Variants in FHIT observed in about 807,000 individuals in gnomAD.
FHIT encodes the protein fragile histidine triad diadenosine triphosphatase, also known as bis(5'-adenosyl)-triphosphatase.
In FHIT, 19 loss-of-function variants were observed where a neutral mutation model predicts 17.9. The ratio of observed to expected loss-of-function variants is 1.06; its 90% CI spans 0.74 to 1.56. The LOEUF is 1.56. Ranked by LOEUF, FHIT falls within the 40% of genes most tolerant of loss-of-function variation. The pLI is 0.00. For synonymous variants in FHIT, 81 were observed against 69.7 expected, an observed-to-expected ratio of 1.16 and a Z score of -0.81; for missense variants, 248 against 189.2, an observed-to-expected ratio of 1.31 and a Z score of -1.82.
At chr3:60,080,610 A>G (rs1328506130) in intron 5 of FHIT, among the ~76,000 whole-genome samples, 1 of 152,154 alleles carries the variant, frequency 6.6e-6, no homozygotes, top group African/African-American at 2.4e-5. Flanking sequence ...ATGAAGAATA[A>G]AACAGGTCTG....
chr3:59,908,368 G>GT (rs949159051), intron 8 of FHIT, among the ~76,000 whole-genome samples: 12 of 152,112 alleles, frequency 7.9e-5, no homozygotes, highest in South Asian at 2.1e-4. Flanking sequence ...GAACAGACAA[G>GT]TTTTTTTTGA....
chr3:59,876,551 A>C (rs569684886), intron 8 of FHIT, among the ~76,000 whole-genome samples: 51 of 152,284 alleles, frequency 3.3e-4, no homozygotes, highest in Admixed American at 1.2e-3. Flanking sequence ...CTTAGGGCAC[A>C]AAACAGTCTT....
At chr3:59,953,121 G>C (rs1707205937) in intron 7 of FHIT, among the ~76,000 whole-genome samples, 1 of 151,872 alleles carries the variant, frequency 6.6e-6, no homozygotes, top group African/African-American at 2.4e-5. Flanking sequence ...CTGGCTCTGT[G>C]TCTCTCTCAG....
chr3:60,930,297 T>C (rs1486811578), intron 3 of FHIT, among the ~76,000 whole-genome samples: 4 of 152,176 alleles, frequency 2.6e-5, no homozygotes, highest in African/African-American at 9.7e-5. Context: ...ATTTAGGACA[T>C]AGGCATGGGC....
intron 4 of FHIT, among the ~76,000 whole-genome samples, chr3:60,612,243 TTC>T (rs1553673906): frequency 6.6e-6 from 1 of 152,164 alleles, no homozygotes; most frequent in Non-Finnish European, 1.5e-5. Context: ...AAGTCACATA[TTC>T]TCTGATCTCC....
intron 4 of FHIT, among the ~76,000 whole-genome samples, chr3:60,616,539 G>A (rs1324593407): frequency 3.3e-5 from 5 of 152,208 alleles, no homozygotes; most frequent in Middle Eastern, 6.8e-3. Context: ...CTTATTGCTA[G>A]CAATGAACAA....
Position 60,119,615 on chromosome 3 carries a change from T to A in FHIT, c.104-105463A>T, listed in dbSNP as rs757920061. 3.7e-4 allele frequency among the ~76,000 whole-genome samples: 56 copies of A among 152,156 alleles called. 1 individual carries two copies. The highest frequency in any genetic ancestry group is 1.9e-3 in the South Asian group (9 of 4,824). ...TTTTGTCCCTGTATGGGTACTGTCA[T>A]CGTGTCGGGTAAGGAAATCAAGACT... On this transcript the variant is annotated intron_variant, in intron 5 of 9. Coordinates refer to ENST00000492590, the MANE Select transcript of FHIT (RefSeq NM_002012.4).
chr3:60,649,351 G>A (rs184636856), intron 4 of FHIT, among the ~76,000 whole-genome samples: 5 of 152,138 alleles, frequency 3.3e-5, no homozygotes, highest in South Asian at 2.1e-4. Context: ...GCAGCTAGCC[G>A]AGATGGCACC....
In FHIT at chr3:60,562,414, T is replaced by C. The variant is rs187593768; in HGVS notation, c.-17-25435A>G. On this transcript the variant is annotated intron_variant, in intron 4 of 9. Coordinates refer to ENST00000492590, the MANE Select transcript of FHIT (RefSeq NM_002012.4). Reference sequence around the variant, plus strand: ...CAGCAGGACTGTTGTTTGAGATAAATTGGCCAGGTGGCGTCTCCAAGAAGA... The same window carrying C: ...CAGCAGGACTGTTGTTTGAGATAAACTGGCCAGGTGGCGTCTCCAAGAAGA... Among the ~76,000 whole-genome samples, 313 of 152,198 alleles carry C rather than the reference T, an allele frequency of 2.1e-3. 4 individuals are homozygous for C. Among genetic ancestry groups the C allele is most frequent in the African/African-American group, 7.1e-3 (293 of 41,546 alleles).
intron 4 of FHIT, among the ~76,000 whole-genome samples, chr3:60,593,126 A>C (rs548077041): frequency 1.1e-4 from 17 of 152,256 alleles, no homozygotes; most frequent in African/African-American, 3.6e-4. Context: ...CAGAGCCCAC[A>C]CTTTCATTTT....
At chr3:60,329,350 T>C (rs1709850912) in intron 5 of FHIT, among the ~76,000 whole-genome samples, 2 of 152,210 alleles carry the variant, frequency 1.3e-5, no homozygotes, top group African/African-American at 4.8e-5. Flanking sequence ...GAAAATACCG[T>C]GTTCCTCACT....
At chr3:60,355,498 A>G (rs1440705124) in intron 5 of FHIT, among the ~76,000 whole-genome samples, 1 of 152,208 alleles carries the variant, frequency 6.6e-6, no homozygotes, top group Non-Finnish European at 1.5e-5. Context: ...GCAAAGCAAG[A>G]AAATGACATT....
chr3:60,228,248 G>C (rs905582693), intron 5 of FHIT, among the ~76,000 whole-genome samples: 2 of 152,136 alleles, frequency 1.3e-5, no homozygotes, highest in Admixed American at 6.5e-5. Flanking sequence ...AAAATGTCCA[G>C]AATAGACAAA....
intron 7 of FHIT, among the ~76,000 whole-genome samples, chr3:59,957,903 C>G (rs1707482097): frequency 6.6e-6 from 1 of 152,194 alleles, no homozygotes; most frequent in Non-Finnish European, 1.5e-5. Context: ...GACAGCAAAA[C>G]TAGAAATGAG....
rs755900738 is a variant in FHIT, at chr3:59,936,931, A to G, written c.280-14517T>C. 9.7e-4 allele frequency among the ~76,000 whole-genome samples: 148 copies of G among 152,208 alleles called. 3 individuals are homozygous for G. The highest frequency in any genetic ancestry group is 1.2e-3 in the South Asian group (6 of 4,834). On this transcript the variant is annotated intron_variant, in intron 7 of 9. Coordinates refer to ENST00000492590, the MANE Select transcript of FHIT (RefSeq NM_002012.4). ...TGCTAATTCTCTTTCCAGTGCTAAC[A>G]AAGAAACCAGAAAGTAGAACCAGAA... is the stretch of plus-strand genomic sequence containing the variant.
At chr3:61,118,403 G>A (rs937322062) in intron 2 of FHIT, among the ~76,000 whole-genome samples, 1 of 63,512 alleles carries the variant, frequency 1.6e-5, no homozygotes, top group African/African-American at 6.9e-5. Flanking sequence ...GGATCTTTTT[G>A]GAGCTGTAAC....
At chr3:60,100,838 CT>C (rs34579384) in intron 5 of FHIT, among the ~76,000 whole-genome samples, 37,972 of 152,068 alleles carry the variant, frequency 0.25, 5,667 homozygotes, top group Non-Finnish European at 0.34. Flanking sequence ...CCAACATCTC[CT>C]TGTTTCATTT....
At chr3:61,103,816 CTT>C (rs2035909353) in intron 2 of FHIT, among the ~76,000 whole-genome samples, 1 of 151,302 alleles carries the variant, frequency 6.6e-6, no homozygotes. Flanking sequence ...TAATGGCTTT[CTT>C]TGTCTCTTTT....
chr3:60,338,926 T>C (rs909253107), intron 5 of FHIT, among the ~76,000 whole-genome samples: 5 of 152,182 alleles, frequency 3.3e-5, no homozygotes, highest in African/African-American at 4.8e-5. Flanking sequence ...AATAGCTGCA[T>C]GACCTCAGTT....
Sources: gnomAD v4.1 joint callset for allele counts (sites outside exome capture counted in the v4.1 genomes callset) on GRCh38, gnomAD v4.1.1 for gene constraint, MANE v1.5 for transcripts, NCBI Gene and HGNC (gene_info 2026-07-23, HGNC 2026-07-21) for gene names.